The following UBP1 variants were observed in gnomAD, a reference collection of about 807,000 sequenced individuals.
UBP1 encodes the protein upstream binding protein 1.
Under a neutral mutation model 76.1 loss-of-function variants are expected in UBP1, and 22 were observed. The observed-to-expected ratio is 0.29, with a 90% CI of 0.21 to 0.41. The LOEUF (loss-of-function observed/expected upper bound fraction) is 0.41, where lower values mean the gene tolerates loss of function less well. Among genes scored for constraint, UBP1 ranks in the 10% least tolerant of loss-of-function variants. The pLI, the probability that UBP1 is intolerant of heterozygous loss-of-function variation, is 1.00. For missense variants in UBP1, 436 were observed against 668.1 expected (o/e 0.65, Z 3.83); for synonymous variants, 224 against 237.1 (o/e 0.94, Z 0.51).
chr3:33,440,046 G>A lies in UBP1; in HGVS notation c.-198C>T. ...GACGAGCCCAGCGAGCAATTGCAGC[G>A]GGAGCGGCCGGGCCGCCGGCAGCGC... On this transcript the variant is annotated 5_prime_UTR_variant, in exon 1 of 16. Coordinates refer to ENST00000283629, the MANE Select transcript of UBP1 (RefSeq NM_014517.5). 1 of 498,010 alleles carries A rather than the reference G, an allele frequency of 2.0e-6. No individual in the cohort carries two copies. The highest frequency in any genetic ancestry group is 3.4e-6 in the Non-Finnish European group (1 of 293,238). The allele number at this position is 498,010 out of a possible 1,614,324, so 30.8% of individuals were successfully genotyped here.
intron 1 of UBP1, among the ~76,000 whole-genome samples, chr3:33,434,470 T>C (rs2045171061): frequency 6.8e-6 from 1 of 147,696 alleles, no homozygotes; most frequent in Non-Finnish European, 1.5e-5. Flanking sequence ...GCTAATTTTG[T>C]AAGATGGGGT....
intron 2 of UBP1, among the ~76,000 whole-genome samples, chr3:33,419,457 G>A (rs1346312192): frequency 2.0e-5 from 3 of 151,914 alleles, no homozygotes; most frequent in Non-Finnish European, 4.4e-5. Context: ...GTGAAACCCC[G>A]TCTCTACTAA....
intron 1 of UBP1, among the ~76,000 whole-genome samples, chr3:33,432,057 G>A (rs1490446124): frequency 2.6e-5 from 4 of 152,208 alleles, no homozygotes; most frequent in Non-Finnish European, 1.5e-5. Flanking sequence ...GCTGGGTGCA[G>A]TGGCTCACAC....
intron 2 of UBP1, among the ~76,000 whole-genome samples, chr3:33,417,978 C>T (rs1157269667): frequency 6.6e-6 from 1 of 152,122 alleles, no homozygotes; most frequent in Non-Finnish European, 1.5e-5. Flanking sequence ...TGCTTACATT[C>T]ATTCAACAGA....
intron 2 of UBP1, among the ~76,000 whole-genome samples, chr3:33,419,448 T>G (rs2044825659): frequency 6.6e-6 from 1 of 151,972 alleles, no homozygotes; most frequent in Admixed American, 6.6e-5. Context: ...GCCAACACAG[T>G]GAAACCCCGT....
chr3:33,394,338 G>A (rs1198088121), intron 13 of UBP1, among the ~76,000 whole-genome samples: 2 of 151,884 alleles, frequency 1.3e-5, no homozygotes, highest in East Asian at 1.9e-4. Context: ...GAGCCAGCAC[G>A]CCCAGTTAAG....
At position 33,396,168 on chromosome 3, in the gene UBP1, G is replaced by T. The variant is rs2043985365; in HGVS notation, c.1384C>A (p.Pro462Thr). The T allele has an allele frequency of 6.3e-7, 1 of 1,578,284 alleles. No homozygotes were observed. Among genetic ancestry groups the T allele is most frequent in the Admixed American group, 1.7e-5 (1 of 59,538 alleles). The change falls in exon 13 of 16, where the codon CCC becomes ACC. Residue 462 changes from proline to threonine, a missense_variant. By Grantham distance (38) the Pro-to-Thr change is conservative (BLOSUM62 -1). Coordinates refer to ENST00000283629, the MANE Select transcript of UBP1 (RefSeq NM_014517.5). ...AGATGCCCTCAATACCTACCATAGG[G>T]TGCCCCACTGCCATTCTCGCTTGCA... ...SSASENGSGA[P>T]YVYHAIYLEE...
chr3:33,430,794 C>A (rs897346837), intron 1 of UBP1, among the ~76,000 whole-genome samples: 5 of 152,136 alleles, frequency 3.3e-5, no homozygotes, highest in Admixed American at 6.6e-5. Flanking sequence ...ATGCCTCCAG[C>A]AACAAGCCCA....
rs371755426 is a variant in UBP1 at position 33,397,035 on chromosome 3, A to G, written c.1271+10T>C. 1.3e-6 allele frequency: 2 copies of G among 1,583,328 alleles called. No individual in the cohort carries two copies. Among genetic ancestry groups the G allele is most frequent in the African/African-American group, 1.4e-5 (1 of 73,734 alleles). On this transcript the variant is annotated intron_variant, in intron 12 of 15. Coordinates refer to ENST00000283629, the MANE Select transcript of UBP1 (RefSeq NM_014517.5). ...TCTTATTTCAAGCAAAACAGTTCAC[A>G]GTATTTTACCTTGACTTCAGTGAAT...
intron 1 of UBP1, among the ~76,000 whole-genome samples, chr3:33,430,615 T>C (rs574841679): frequency 2.8e-4 from 43 of 152,328 alleles, no homozygotes; most frequent in Admixed American, 6.5e-4. Context: ...TGCAGAAGGT[T>C]AGAAGCCTGA....
chr3:33,393,963 A>G (rs577470755), intron 13 of UBP1, among the ~76,000 whole-genome samples: 7 of 152,194 alleles, frequency 4.6e-5, no homozygotes, highest in African/African-American at 1.4e-4. Flanking sequence ...AAAATAATAT[A>G]TACTTCATGT....
intron 2 of UBP1, among the ~76,000 whole-genome samples, chr3:33,420,311 G>A (rs1243992645): frequency 6.6e-6 from 1 of 151,944 alleles, no homozygotes; most frequent in Non-Finnish European, 1.5e-5. Flanking sequence ...GGGACTTATA[G>A]CTGTACTTTA....
rs1478803901 is a variant in UBP1, at chr3:33,396,669, C to T, written c.1271+376G>A. 4.4e-5 allele frequency: 18 copies of T among 412,048 alleles called. 1 individual carries two copies. The highest frequency in any genetic ancestry group is 2.7e-4 in the South Asian group (12 of 44,760). 25.5% of individuals were successfully genotyped at this position (412,048 alleles called of 1,614,324 possible). A position where few individuals can be genotyped will look rare whatever the true frequency, so the allele number is the denominator to read the frequency against. On this transcript the variant is annotated intron_variant, in intron 12 of 15. Coordinates refer to ENST00000283629, the MANE Select transcript of UBP1 (RefSeq NM_014517.5). The stretch of plus-strand genomic sequence containing the variant: ...ATTTACAGTTTCTGTCATTTTAATT[C>T]ACAATTAGTTTACATTTTTAATAAC...
At chr3:33,440,431 C>A (rs1317733268), upstream of UBP1, 1 of 152,452 alleles carries the variant, frequency 6.6e-6, no homozygotes, top group Non-Finnish European at 1.5e-5. Flanking sequence ...GCCCCGACCC[C>A]GCCCCGGCGT....
intron 1 of UBP1, among the ~76,000 whole-genome samples, chr3:33,434,880 T>C (rs1246070588): frequency 5.3e-5 from 8 of 151,926 alleles, no homozygotes; most frequent in African/African-American, 1.9e-4. Flanking sequence ...AGAGACGGGG[T>C]TTCACCACGT....
intron 3 of UBP1, chr3:33,414,034 ATACAGGTAT>A (rs1252939006): frequency 6.6e-6 from 1 of 152,250 alleles, no homozygotes; most frequent in African/African-American, 2.4e-5. Flanking sequence ...CAGTATTAGA[ATACAGGTAT>A]TAGACTTCAG....
In UBP1 at chr3:33,439,948, C is replaced by T. The variant is rs1362950798; in HGVS notation, c.-100G>A. On this transcript the variant is annotated 5_prime_UTR_variant, in exon 1 of 16. Coordinates refer to ENST00000283629, the MANE Select transcript of UBP1 (RefSeq NM_014517.5). ...GTCCTGGGGGAGGGCGCGGGTGAAG[C>T]CTCCGGAGGGGCGGCGAGTGGTCAC... 1.5e-6 allele frequency: 2 copies of T among 1,329,864 alleles called. No individual in the cohort carries two copies. Among genetic ancestry groups the T allele is most frequent in the African/African-American group, 3.1e-5 (2 of 65,184 alleles). The allele number at this position is 1,329,864 out of a possible 1,614,324, so 82.4% of individuals were successfully genotyped here.
At chr3:33,394,326 G>A (rs780653011) in intron 13 of UBP1, among the ~76,000 whole-genome samples, 3 of 151,952 alleles carry the variant, frequency 2.0e-5, no homozygotes, top group Non-Finnish European at 4.4e-5. Flanking sequence ...GATTACAGGC[G>A]TGAGCCAGCA....
At chr3:33,412,922 AAC>A in intron 3 of UBP1, 95 bp from the exon 4 acceptor site, 1 of 773,494 alleles carries the variant, frequency 1.3e-6, no homozygotes. Context: ...GTAGCAGTAG[AAC>A]ACATACAACT....
Sources: allele counts gnomAD v4.1 joint callset (sites outside exome capture counted in the v4.1 genomes callset), GRCh38; gene constraint gnomAD v4.1.1; transcripts MANE v1.5; gene names NCBI Gene and HGNC (gene_info 2026-07-23, HGNC 2026-07-21).